The following CORO7 variants were observed in gnomAD, a reference collection of about 807,000 sequenced individuals.
CORO7 encodes coronin-7.
A neutral mutation model predicts 126.6 loss-of-function variants in CORO7; 107 were observed. The ratio of observed to expected loss-of-function variants is 0.85; its 90% CI spans 0.72 to 0.99. The LOEUF is 0.99. Ranked by LOEUF, CORO7 falls within the 50% of genes least tolerant of loss-of-function variation. CORO7 has a pLI of 0.00. For synonymous variants in CORO7, 603 were observed against 536.8 expected (o/e 1.12, Z -1.70); for missense variants, 1,314 against 1,255.8 (o/e 1.05, Z -0.70).
chr16:4,387,344 T>G (rs998103071), intron 9 of CORO7, among the ~76,000 whole-genome samples: 6 of 152,102 alleles, frequency 3.9e-5, no homozygotes, highest in African/African-American at 1.4e-4. Flanking sequence ...CGCCAGGCAC[T>G]GCCAAAAGCC....
intron 6 of CORO7, among the ~76,000 whole-genome samples, chr16:4,396,524 T>A (rs1014790324): frequency 7.9e-5 from 12 of 152,214 alleles, no homozygotes; most frequent in Non-Finnish European, 1.8e-4. Context: ...AGCCCATACA[T>A]TTTACAAGTT....
At chr16:4,413,020 A>G (rs1008013723) in intron 2 of CORO7, 2 of 362,932 alleles carry the variant, frequency 5.5e-6, no homozygotes, top group East Asian at 4.7e-5. Context: ...AGCAGGGAGC[A>G]CAGAGGGACA....
Position 4,405,532 on chromosome 16 carries a change from C to T in CORO7, c.523G>A (p.Val175Ile), listed in dbSNP as rs762156238. 8.3e-5 allele frequency: 134 copies of T among 1,612,794 alleles called. No individual in the cohort carries two copies. The Admixed American group carries it at 8.7e-4, about 10-fold the overall frequency. ...AAHGDLVQSA[V>I]WSRDGALVGT... is the part of the protein sequence containing the mutation. Reference sequence around the variant, plus strand: ...ACCAGGGCTCCATCTCGGCTCCAGACGGCGCTCTGCACCAGGTCCCCATGG... The same window carrying T: ...ACCAGGGCTCCATCTCGGCTCCAGATGGCGCTCTGCACCAGGTCCCCATGG... Residue 175 changes from valine to isoleucine, a missense_variant, in exon 6 of 28, where the codon GTC (valine) becomes ATC (isoleucine). Physicochemically the swap from Val to Ile is conservative, Grantham distance 29 (BLOSUM62 3). Transcript: ENST00000251166.
At position 4,364,813 on chromosome 16, in the gene CORO7, TG is replaced by T. The variant is rs1262958562; in HGVS notation, c.1005del (p.Asp335GlufsTer80). On this transcript the variant is annotated frameshift_variant, in exon 12 of 28. Transcript: ENST00000251166. LOFTEE classifies it high-confidence loss of function. ...CEVLRVLQLS[D>X]TAIVPIGYHV... Reference sequence around the variant, plus strand: ...TGGTAGCCGATGGGCACGATGGCTGTGTCGCTCAGCTGTAGGACGCGGAGTA... The same window carrying T: ...TGGTAGCCGATGGGCACGATGGCTGTTCGCTCAGCTGTAGGACGCGGAGTA... 6.2e-7 allele frequency: 1 copy of T among 1,611,938 alleles called. No individual in the cohort carries two copies.
At chr16:4,392,376 C>T (rs1369918372) in intron 7 of CORO7, among the ~76,000 whole-genome samples, 3 of 152,166 alleles carry the variant, frequency 2.0e-5, no homozygotes, top group African/African-American at 4.8e-5. Flanking sequence ...TCTGCACCTC[C>T]GAGGAAGTGG....
intron 23 of CORO7, 146 bp downstream of exon 23, chr16:4,359,150 G>C (rs951570351): frequency 6.0e-6 from 5 of 830,522 alleles, no homozygotes; most frequent in Non-Finnish European, 7.2e-6. Context: ...AACTCTTCTT[G>C]CCAGTCACTG....
chr16:4,399,750 G>A (rs932487831), intron 6 of CORO7, among the ~76,000 whole-genome samples: 1 of 152,066 alleles, frequency 6.6e-6, no homozygotes, highest in Non-Finnish European at 1.5e-5. Context: ...AAGTAGCTGG[G>A]CGTGGTGGCA....
At position 4,362,017 on chromosome 16, in the gene CORO7, G is replaced by C. The variant is rs1244859788; in HGVS notation, c.1546C>G (p.Leu516Val). ...ACAGCCACCTGTCCCCCGCTGCTGA[G>C]CAGCGGCACGGCCACACGCAGCTTG... ...ANKLRVAVPL[L>V]SSGGQVAVLE... The change falls in exon 16 of 28, where the codon CTC becomes GTC. Residue 516 changes from leucine (L) to valine (V), a missense_variant. Leu to Val is a conservative substitution (Grantham distance 32). Transcript: ENST00000251166. The surrounding 1 kb of genome is among the most constrained non-coding windows in gnomAD (Gnocchi z 5.3). 6.2e-7 allele frequency: 1 copy of C among 1,612,086 alleles called. No individual in the cohort carries two copies. The highest frequency in any genetic ancestry group is 8.5e-7 in the Non-Finnish European group (1 of 1,179,548).
At chr16:4,408,340 T>C (rs2056086200) in intron 3 of CORO7, 89 bp from the exon 4 acceptor site, 3 of 1,571,192 alleles carry the variant, frequency 1.9e-6, no homozygotes, top group Admixed American at 1.7e-5. Context: ...GTGACACTTT[T>C]GTGTGCACAC....
chr16:4,367,526 C>A (rs920680795), intron 9 of CORO7, among the ~76,000 whole-genome samples: 2 of 152,200 alleles, frequency 1.3e-5, no homozygotes, highest in Non-Finnish European at 2.9e-5. Context: ...AAGAGGCAGA[C>A]AGACACAATC....
chr16:4,359,265 C>T (rs1409099645), intron 23 of CORO7, 31 bp downstream of exon 23: 2 of 1,566,058 alleles, frequency 1.3e-6, no homozygotes, highest in Non-Finnish European at 1.7e-6. Context: ...CTTGTGGTCC[C>T]ATCGGGGACG....
At chr16:4,395,438 G>T in intron 6 of CORO7, 99 bp from the exon 7 acceptor site, 1 of 1,523,582 alleles carries the variant, frequency 6.6e-7, no homozygotes, top group Non-Finnish European at 9.0e-7. Flanking sequence ...GCTCTGAGCA[G>T]CCCATCCCCA....
rs763023836 is a variant in CORO7, at chr16:4,358,465, T to A, written c.2359A>T (p.Lys787Ter). The change falls in exon 24 of 28, where the codon AAG becomes TAG. Residue 787 changes from lysine to a stop codon, truncating the protein, a stop_gained. Coordinates refer to ENST00000251166, the MANE Select transcript of CORO7 (RefSeq NM_024535.5). LOFTEE classifies it high-confidence loss of function. The stretch of plus-strand genomic sequence containing the variant: ...ACTTCCCGCACGTCGCACTCCGTCT[T>A]AGGCAGGAGGACGAGGCCCTGGGGG... ...DPHKGLVLLP[K>*]TECDVREVEL... is the part of the protein sequence containing the mutation. 6.2e-7 allele frequency: 1 copy of A among 1,603,368 alleles called. No homozygotes were observed. The highest frequency in any genetic ancestry group is 8.5e-7 in the Non-Finnish European group (1 of 1,173,438).
intron 6 of CORO7, among the ~76,000 whole-genome samples, chr16:4,402,456 G>C (rs560612126): frequency 3.0e-4 from 45 of 151,234 alleles, no homozygotes; most frequent in Admixed American, 3.3e-4. Flanking sequence ...CATGTTGCCC[G>C]GGCTGATCTT....
chr16:4,370,893 G>C (rs890194606), intron 9 of CORO7, among the ~76,000 whole-genome samples: 3 of 152,240 alleles, frequency 2.0e-5, no homozygotes, highest in African/African-American at 7.2e-5. Flanking sequence ...GTGTCCCAAG[G>C]CTCTCCGGAA....
In CORO7 at chr16:4,359,296, C is replaced by T. The variant is rs1260858564; in HGVS notation, c.2340G>A (p.Lys780=). The T allele has an allele frequency of 3.1e-6, 5 of 1,603,004 alleles. No individual in the cohort carries two copies. The South Asian group carries it at 4.5e-5, about 14-fold the overall frequency. ...GGACGAGGCGCCAGGGTGGCCTCAC[C>T]TTGTGGGGGTCAGGCGACGTGAAGC... ...CNSFTSPDPH[K]GLVLLPKTEC... is the part of the protein sequence containing the mutation. The change falls in exon 23 of 28, where the codon AAG becomes AAA. Residue 780 remains lysine, a splice_region_variant and synonymous_variant. Transcript: ENST00000251166.
intron 2 of CORO7, chr16:4,412,973 C>A (rs1054742495): frequency 1.0e-5 from 3 of 288,316 alleles, no homozygotes; most frequent in African/African-American, 4.4e-5. Flanking sequence ...CCTTTCTGTT[C>A]CTACTGTCCC....
chr16:4,391,702 G>A (rs892217903), intron 7 of CORO7, among the ~76,000 whole-genome samples: 13 of 152,352 alleles, frequency 8.5e-5, no homozygotes, highest in Admixed American at 1.3e-4. Context: ...CTGCACTCCC[G>A]CCTGGGCGAC....
intron 26 of CORO7, among the ~76,000 whole-genome samples, chr16:4,356,154 T>C (rs1354226993): frequency 6.6e-6 from 1 of 151,784 alleles, no homozygotes; most frequent in Non-Finnish European, 1.5e-5. Context: ...GGTTTCATCA[T>C]GTTGGTCAGG....
Sources: allele counts gnomAD v4.1 joint callset (sites outside exome capture counted in the v4.1 genomes callset), GRCh38; gene constraint gnomAD v4.1.1; non-coding constraint Gnocchi (gnomAD v3.1); transcripts MANE v1.5; gene names NCBI Gene and HGNC (gene_info 2026-07-23, HGNC 2026-07-21).